Variants in AGBL1 observed in about 807,000 individuals in gnomAD.
AGBL1 encodes AGBL carboxypeptidase 1, also known as cytosolic carboxypeptidase 4.
AGBL1 carries 130 observed loss-of-function variants against 118.9 expected under a neutral mutation model. The ratio of observed to expected loss-of-function variants is 1.09; its 90% CI spans 0.95 to 1.26. The LOEUF is 1.26. Among genes scored for constraint, AGBL1 ranks in the 50% most tolerant of loss-of-function variants. The pLI is 0.00. For missense variants in AGBL1, 1,584 were observed against 1,298.1 expected, an observed-to-expected ratio of 1.22 and a Z score of -3.38; for synonymous variants, 555 against 478.9, an observed-to-expected ratio of 1.16 and a Z score of -2.08.
At chr15:86,449,784 T>A (rs1271441815) in intron 18 of AGBL1, among the ~76,000 whole-genome samples, 3 of 152,214 alleles carry the variant, frequency 2.0e-5, no homozygotes, top group African/African-American at 7.2e-5. Flanking sequence ...TTCTGGGTTG[T>A]TGCATGCGTG....
At chr15:86,987,611 G>A (rs1300192161) in intron 23 of AGBL1, among the ~76,000 whole-genome samples, 1 of 151,938 alleles carries the variant, frequency 6.6e-6, no homozygotes, top group Non-Finnish European at 1.5e-5. Flanking sequence ...TTACTATTTT[G>A]TTAATAGTTT....
intron 22 of AGBL1, among the ~76,000 whole-genome samples, chr15:86,885,444 C>G (rs189260602): frequency 6.6e-5 from 10 of 152,238 alleles, no homozygotes; most frequent in African/African-American, 2.2e-4. Context: ...TACTTCACAA[C>G]TATTAAAATA....
At chr15:86,234,714 A>G (rs1330806015) in intron 6 of AGBL1, among the ~76,000 whole-genome samples, 2 of 152,204 alleles carry the variant, frequency 1.3e-5, no homozygotes, top group Admixed American at 1.3e-4. Flanking sequence ...TAAAGCAGGG[A>G]AAACAGTACA....
intron 9 of AGBL1, among the ~76,000 whole-genome samples, chr15:86,260,883 C>T (rs1323363451): frequency 2.6e-5 from 4 of 152,166 alleles, no homozygotes; most frequent in Non-Finnish European, 5.9e-5. Flanking sequence ...CAGGCCACCT[C>T]CAGATAAGAA....
chr15:86,850,923 T>G (rs2079399492), intron 22 of AGBL1, among the ~76,000 whole-genome samples: 1 of 152,206 alleles, frequency 6.6e-6, no homozygotes, highest in South Asian at 2.1e-4. Flanking sequence ...GCATAATATT[T>G]TATTAATTAT....
chr15:86,699,170 T>G (rs192263821), intron 22 of AGBL1, among the ~76,000 whole-genome samples: 2 of 151,994 alleles, frequency 1.3e-5, no homozygotes, highest in African/African-American at 4.8e-5. Context: ...TTCAAAAAAA[T>G]TTTGTATATC....
intron 21 of AGBL1, among the ~76,000 whole-genome samples, chr15:86,576,110 C>A (rs1567066462): frequency 6.6e-6 from 1 of 152,158 alleles, no homozygotes; most frequent in East Asian, 1.9e-4. Flanking sequence ...AGCATTTCTG[C>A]ATGCTAACTC....
At chr15:86,319,491 C>G (rs190296784) in intron 17 of AGBL1, among the ~76,000 whole-genome samples, 1 of 152,070 alleles carries the variant, frequency 6.6e-6, no homozygotes, top group Non-Finnish European at 1.5e-5. Flanking sequence ...TCCCTCCCCC[C>G]ACATTTTGCT....
chr15:86,802,608 T>C (rs1487840512), intron 22 of AGBL1, among the ~76,000 whole-genome samples: 1 of 152,154 alleles, frequency 6.6e-6, no homozygotes, highest in East Asian at 1.9e-4. Flanking sequence ...GAGATTCAGA[T>C]TCTATATCTA....
intron 7 of AGBL1, among the ~76,000 whole-genome samples, 188 bp downstream of exon 7, chr15:86,248,067 C>T (rs1390409239): frequency 6.6e-6 from 1 of 152,198 alleles, no homozygotes; most frequent in East Asian, 1.9e-4. Flanking sequence ...CCTGTAATCT[C>T]AGCACTTTGG....
intron 4 of AGBL1, among the ~76,000 whole-genome samples, chr15:86,155,206 G>A (rs1390683555): frequency 1.3e-5 from 2 of 152,158 alleles, no homozygotes; most frequent in African/African-American, 2.4e-5. Flanking sequence ...GGTGGCTCAC[G>A]CCTGTAATCC....
intron 19 of AGBL1, among the ~76,000 whole-genome samples, chr15:86,524,994 A>C (rs989464717): frequency 1.3e-5 from 2 of 152,182 alleles, no homozygotes; most frequent in African/African-American, 2.4e-5. Flanking sequence ...TCATATACCT[A>C]GGAAACCCTA....
chr15:86,179,504 G>T (rs2077524612), intron 5 of AGBL1, among the ~76,000 whole-genome samples: 2 of 152,016 alleles, frequency 1.3e-5, no homozygotes, highest in Non-Finnish European at 2.9e-5. Context: ...CATTTGACAA[G>T]ATCTACCATT....
At chr15:86,828,097 G>T (rs941544868) in intron 22 of AGBL1, among the ~76,000 whole-genome samples, 29 of 151,120 alleles carry the variant, frequency 1.9e-4, no homozygotes, top group African/African-American at 6.8e-4. Flanking sequence ...ATGCCACCTT[G>T]CCCAACTAAT....
intron 13 of AGBL1, among the ~76,000 whole-genome samples, chr15:86,268,090 C>T (rs1200473389): frequency 1.3e-5 from 2 of 152,176 alleles, no homozygotes; most frequent in East Asian, 1.9e-4. Context: ...AGTCAACATC[C>T]GTTCTTACTC....
chr15:87,023,437 C>G (rs1279604143), intron 24 of AGBL1, among the ~76,000 whole-genome samples: 2 of 151,930 alleles, frequency 1.3e-5, no homozygotes, highest in East Asian at 3.9e-4. Context: ...ATATCTCAAT[C>G]CTGAATGTAT....
chr15:86,217,885 G>A (rs976758391), intron 5 of AGBL1, among the ~76,000 whole-genome samples: 3 of 152,176 alleles, frequency 2.0e-5, no homozygotes, highest in African/African-American at 7.2e-5. Flanking sequence ...GTAGCAATGT[G>A]AGGGTGCTCA....
At chr15:86,803,138 T>G (rs74027106) in intron 22 of AGBL1, among the ~76,000 whole-genome samples, 3,993 of 152,188 alleles carry the variant, frequency 0.026, 103 homozygotes, top group Middle Eastern at 0.061. Flanking sequence ...CACTGACATG[T>G]TTTGGCTCTG....
At chr15:86,986,978 T>A (rs1416740668) in intron 23 of AGBL1, among the ~76,000 whole-genome samples, 2 of 141,464 alleles carry the variant, frequency 1.4e-5, no homozygotes, top group Non-Finnish European at 3.3e-5. Context: ...AGGGGGGAGT[T>A]GTTCTCAGGC....
Sources: allele counts gnomAD v4.1 joint callset (sites outside exome capture counted in the v4.1 genomes callset), GRCh38; gene constraint gnomAD v4.1.1; transcripts MANE v1.5; gene names NCBI Gene and HGNC (gene_info 2026-07-23, HGNC 2026-07-21).